Variants in PCDHGA4 observed in about 807,000 individuals in gnomAD.
PCDHGA4 encodes protocadherin gamma-A4.
In PCDHGA4, 38 loss-of-function variants were observed where a neutral mutation model predicts 54.6. That is an observed-to-expected ratio of 0.70 (90% CI 0.54 to 0.91). The LOEUF is 0.91. Among genes scored for constraint, PCDHGA4 ranks in the 40% least tolerant of loss-of-function variants. The pLI is 0.00. For missense variants in PCDHGA4, 1,298 were observed against 1,220.9 expected, an observed-to-expected ratio of 1.06 and a Z score of -0.94; for synonymous variants, 511 against 512.9, an observed-to-expected ratio of 1.00 and a Z score of 0.05.
intron 2 of PCDHGA4, among the ~76,000 whole-genome samples, chr5:141,495,471 G>A (rs2099761632): frequency 6.6e-6 from 1 of 152,190 alleles, no homozygotes; most frequent in Non-Finnish European, 1.5e-5. Context: ...TGGGGTCTCC[G>A]TGTCTCTGCC....
chr5:141,358,763 C>G (rs984057790), intron 1 of PCDHGA4, among the ~76,000 whole-genome samples: 3 of 152,156 alleles, frequency 2.0e-5, no homozygotes, highest in African/African-American at 7.2e-5. Flanking sequence ...ATCATGTGAG[C>G]CTCTTTCAAA....
rs757586675 is a variant in PCDHGA4, at chr5:141,399,621, C to T, written c.2514+42000C>T. The T allele has an allele frequency of 1.1e-5, 17 of 1,613,830 alleles. No individual in the cohort carries two copies. The African/African-American group carries it at 2.3e-4, about 22-fold the overall frequency. On this transcript the variant is annotated intron_variant, in intron 1 of 3. Transcript: ENST00000571252. Reference sequence around the variant, plus strand: ...GCGACCTAGAGCCTCTGGCACTGGCCTCTTACGTGTCCATGAGCGCGCAAA... The same window carrying T: ...GCGACCTAGAGCCTCTGGCACTGGCTTCTTACGTGTCCATGAGCGCGCAAA...
At chr5:141,388,652 C>T in intron 1 of PCDHGA4, 1 of 1,613,844 alleles carries the variant, frequency 6.2e-7, no homozygotes, top group African/African-American at 1.3e-5. Context: ...AAAACGTGTA[C>T]CCGGGGACCA....
chr5:141,503,417 A>T (rs1431276679), intron 2 of PCDHGA4, among the ~76,000 whole-genome samples: 2 of 151,968 alleles, frequency 1.3e-5, no homozygotes, highest in Non-Finnish European at 2.9e-5. Flanking sequence ...CAATATGGTG[A>T]AACCCCATCT....
At chr5:141,367,089 C>A in intron 1 of PCDHGA4, 1 of 258,634 alleles carries the variant, frequency 3.9e-6, no homozygotes, top group Non-Finnish European at 7.4e-6. Flanking sequence ...ATATTGTTCT[C>A]TTTTGAGTGT....
At chr5:141,415,094 A>G in intron 1 of PCDHGA4, 1 of 1,613,530 alleles carries the variant, frequency 6.2e-7, no homozygotes, top group Non-Finnish European at 8.5e-7. Flanking sequence ...CTGGACAGAG[A>G]CGCGCTCAAG....
chr5:141,383,346 G>A, intron 1 of PCDHGA4: 3 of 1,614,018 alleles, frequency 1.9e-6, no homozygotes, highest in Non-Finnish European at 2.5e-6. Context: ...CAGCTCCTGG[G>A]GTTCGGTTTC....
Position 141,431,877 on chromosome 5 carries a change from A to G in PCDHGA4, c.2515-62930A>G. On this transcript the variant is annotated intron_variant, in intron 1 of 3. Coordinates refer to ENST00000571252, the MANE Select transcript of PCDHGA4 (RefSeq NM_018917.4). The surrounding 1 kb of genome is among the most constrained non-coding windows in gnomAD (Gnocchi z 4.8). ...TTAATTGCCCTTTTAAATGTAAATG[A>G]CCAAGATTCTGAGGAAAACGGACAG... is the stretch of plus-strand genomic sequence containing the variant. 8 of 1,614,230 alleles carry G rather than the reference A, an allele frequency of 5.0e-6. No individual in the cohort carries two copies. Among genetic ancestry groups the G allele is most frequent in the Non-Finnish European group, 6.8e-6 (8 of 1,180,016 alleles).
chr5:141,411,028 T>C (rs2095458130), intron 1 of PCDHGA4: 1 of 163,058 alleles, frequency 6.1e-6, no homozygotes, highest in Admixed American at 6.2e-5. Flanking sequence ...TTTTTTGTAT[T>C]TTTAGTAGAC....
chr5:141,433,064 A>T, intron 1 of PCDHGA4: 1 of 1,614,064 alleles, frequency 6.2e-7, no homozygotes, highest in Non-Finnish European at 8.5e-7. Context: ...GAGTCACCTG[A>T]TCTTCCCCCA....
At chr5:141,383,425 C>T in intron 1 of PCDHGA4, 1 of 1,613,980 alleles carries the variant, frequency 6.2e-7, no homozygotes, top group Non-Finnish European at 8.5e-7. Context: ...CAGCCCCAAT[C>T]GCCACTTCTC....
intron 1 of PCDHGA4, chr5:141,419,434 G>A (rs372006900): frequency 2.5e-5 from 41 of 1,613,112 alleles, no homozygotes; most frequent in Non-Finnish European, 3.3e-5. Flanking sequence ...ACGAGCAGCT[G>A]CGCACCTTCG....
At chr5:141,496,844 T>G (rs1275272674) in intron 2 of PCDHGA4, among the ~76,000 whole-genome samples, 2 of 150,852 alleles carry the variant, frequency 1.3e-5, no homozygotes, top group Non-Finnish European at 2.9e-5. Context: ...CTCATAGGCT[T>G]CCAGACCAGC....
chr5:141,439,042 A>C (rs2098084096), intron 1 of PCDHGA4, among the ~76,000 whole-genome samples: 1 of 151,642 alleles, frequency 6.6e-6, no homozygotes, highest in Non-Finnish European at 1.5e-5. Context: ...TCAGTTCATA[A>C]GATTTCCATA....
chr5:141,392,688 C>T (rs1009459106), intron 1 of PCDHGA4: 2 of 1,113,934 alleles, frequency 1.8e-6, no homozygotes, highest in Non-Finnish European at 2.5e-6. Flanking sequence ...GCAGCGAAAC[C>T]CGACCCCTGT....
At chr5:141,399,080 G>A (rs1385144710) in intron 1 of PCDHGA4, 2 of 1,613,696 alleles carry the variant, frequency 1.2e-6, no homozygotes, top group Non-Finnish European at 1.7e-6. Flanking sequence ...GTAGAAGGGA[G>A]GGATGGTGGT....
chr5:141,490,080 T>A lies in PCDHGA4; in HGVS notation c.2515-4727T>A, dbSNP rs2099695881. On this transcript the variant is annotated intron_variant, in intron 1 of 3. Coordinates refer to ENST00000571252, the MANE Select transcript of PCDHGA4 (RefSeq NM_018917.4). The surrounding 1 kb of genome is among the most constrained non-coding windows in gnomAD (Gnocchi z 5.4). ...GCACCAACGGCCAACTAGACTATTCTTTTGGAGACCACACATCTGAGGCAG... is the reference window on the plus strand; with the variant it reads ...GCACCAACGGCCAACTAGACTATTCATTTGGAGACCACACATCTGAGGCAG... The A allele has an allele frequency of 6.2e-7, 1 of 1,614,246 alleles. No homozygotes were observed. The highest frequency in any genetic ancestry group is 2.2e-5 in the East Asian group (1 of 44,884).
At chr5:141,368,644 G>C (rs948987019) in intron 1 of PCDHGA4, among the ~76,000 whole-genome samples, 1 of 152,090 alleles carries the variant, frequency 6.6e-6, no homozygotes, top group African/African-American at 2.4e-5. Context: ...AATGTTTTGT[G>C]CAATGGAAAA....
intron 1 of PCDHGA4, chr5:141,362,349 G>A (rs765171901): frequency 1.2e-6 from 2 of 1,613,918 alleles, no homozygotes; most frequent in Admixed American, 1.7e-5. Flanking sequence ...CTGGACCTGG[G>A]GTTCTCCCCA....
Sources: gnomAD v4.1 joint callset for allele counts (sites outside exome capture counted in the v4.1 genomes callset) on GRCh38, gnomAD v4.1.1 for gene constraint, Gnocchi (gnomAD v3.1) non-coding constraint, MANE v1.5 for transcripts, NCBI Gene and HGNC (gene_info 2026-07-23, HGNC 2026-07-21) for gene names.